The following RBMS3 variants were observed in gnomAD, a reference collection of about 807,000 sequenced individuals.
RBMS3 encodes RNA binding motif single stranded interacting protein 3.
RBMS3 carries 27 observed loss-of-function variants against 66.8 expected under a neutral mutation model. The ratio of observed to expected loss-of-function variants is 0.40; its 90% CI spans 0.30 to 0.56. The LOEUF (loss-of-function observed/expected upper bound fraction) is 0.56. RBMS3 is among the 20% of genes least tolerant of loss of function. The pLI is 0.40. For synonymous variants in RBMS3, 188 were observed against 183.0 expected (o/e 1.03, Z -0.22); for missense variants, 513 against 549.5 (o/e 0.93, Z 0.66).
chr3:29,660,604 G>T (rs2149228286), intron 4 of RBMS3, among the ~76,000 whole-genome samples: 1 of 150,780 alleles, frequency 6.6e-6, no homozygotes, highest in Non-Finnish European at 1.5e-5. Context: ...CCCAGGGTTA[G>T]CTGGGTTTTT....
chr3:29,956,677 T>A (rs985435009), intron 12 of RBMS3, among the ~76,000 whole-genome samples: 5 of 152,154 alleles, frequency 3.3e-5, no homozygotes, highest in Non-Finnish European at 7.4e-5. Context: ...AGAAAGTTAC[T>A]CTAGGTAACT....
intron 2 of RBMS3, among the ~76,000 whole-genome samples, chr3:29,463,182 CA>C: frequency 6.6e-6 from 1 of 152,270 alleles, no homozygotes. Context: ...AGCACAATCA[CA>C]TATTTGTTAA....
intron 5 of RBMS3, among the ~76,000 whole-genome samples, chr3:29,748,972 A>C (rs904200217): frequency 6.6e-6 from 1 of 152,204 alleles, no homozygotes; most frequent in African/African-American, 2.4e-5. Context: ...ACTTCAGCCA[A>C]ATCTCAGTCA....
At chr3:29,359,306 A>G (rs778826766) in intron 1 of RBMS3, among the ~76,000 whole-genome samples, 3 of 152,170 alleles carry the variant, frequency 2.0e-5, no homozygotes, top group Non-Finnish European at 4.4e-5. Context: ...TGAGACAATC[A>G]TGTGGTTTTT....
intron 3 of RBMS3, among the ~76,000 whole-genome samples, chr3:29,561,704 G>C (rs145952758): frequency 4.6e-5 from 7 of 152,148 alleles, no homozygotes; most frequent in Admixed American, 4.6e-4. Context: ...GCCCGCCTCG[G>C]CCTCCCAAAG....
chr3:29,716,346 T>G (rs918724482), intron 4 of RBMS3, among the ~76,000 whole-genome samples: 2 of 152,150 alleles, frequency 1.3e-5, no homozygotes, highest in Non-Finnish European at 2.9e-5. Context: ...TTACATAGCA[T>G]TCTAAAACAA....
At chr3:29,424,206 C>T (rs2040855301) in intron 1 of RBMS3, among the ~76,000 whole-genome samples, 1 of 152,082 alleles carries the variant, frequency 6.6e-6, no homozygotes, top group African/African-American at 2.4e-5. Flanking sequence ...TTTAGGTGAT[C>T]CTTGAGGAAT....
intron 2 of RBMS3, among the ~76,000 whole-genome samples, chr3:29,454,079 A>G (rs989497769): frequency 2.0e-5 from 3 of 151,992 alleles, no homozygotes; most frequent in Non-Finnish European, 4.4e-5. Context: ...AGGCATTTCA[A>G]CTCCCTTTTT....
At chr3:29,310,866 A>G (rs762594977) in intron 1 of RBMS3, among the ~76,000 whole-genome samples, 7 of 151,776 alleles carry the variant, frequency 4.6e-5, no homozygotes, top group Non-Finnish European at 8.8e-5. Flanking sequence ...TTTTTCTTAC[A>G]TAGATTAACT....
At chr3:29,623,064 T>G (rs1485415079) in intron 4 of RBMS3, among the ~76,000 whole-genome samples, 1 of 138,656 alleles carries the variant, frequency 7.2e-6, no homozygotes, top group Admixed American at 7.6e-5. Context: ...TGAGCCGAGA[T>G]CGTACCACTG....
intron 9 of RBMS3, 137 bp from the exon 10 acceptor site, chr3:29,899,568 C>A: frequency 1.6e-6 from 1 of 636,082 alleles, no homozygotes. Flanking sequence ...TCCCTTTTTA[C>A]CCTTGGTTTT....
chr3:29,701,290 A>T (rs58874736), intron 4 of RBMS3, among the ~76,000 whole-genome samples: 16,892 of 152,184 alleles, frequency 0.11, 1,911 homozygotes, highest in African/African-American at 0.29. Flanking sequence ...AAGAAAAAAA[A>T]AAAGAAAAAA....
At chr3:29,906,890 A>G (rs995017297) in intron 10 of RBMS3, among the ~76,000 whole-genome samples, 1 of 152,158 alleles carries the variant, frequency 6.6e-6, no homozygotes, top group Non-Finnish European at 1.5e-5. Flanking sequence ...ACCATTTACC[A>G]AAATGATATC....
At chr3:29,560,177 T>G (rs2149046815) in intron 3 of RBMS3, among the ~76,000 whole-genome samples, 1 of 152,316 alleles carries the variant, frequency 6.6e-6, no homozygotes, top group South Asian at 2.1e-4. Context: ...CAGATGGAGT[T>G]TCCTGCATTT....
chr3:29,467,690 C>G (rs1198997645), intron 2 of RBMS3, among the ~76,000 whole-genome samples: 1 of 152,132 alleles, frequency 6.6e-6, no homozygotes, highest in East Asian at 1.9e-4. Context: ...TATACATTTT[C>G]ACTTGGGCCA....
intron 1 of RBMS3, among the ~76,000 whole-genome samples, chr3:29,358,031 C>T (rs910969997): frequency 1.3e-5 from 2 of 152,122 alleles, no homozygotes; most frequent in African/African-American, 4.8e-5. Flanking sequence ...GTTTCTTTTG[C>T]TGTGCAGAAG....
intron 3 of RBMS3, among the ~76,000 whole-genome samples, chr3:29,514,650 CATATATATAT>C (rs10601940): frequency 1.2e-4 from 12 of 103,690 alleles, no homozygotes; most frequent in African/African-American, 5.1e-4. Flanking sequence ...GTGATAGGCA[CATATATATAT>C]ATATATATAT....
At chr3:29,841,255 G>C (rs2058657346) in intron 6 of RBMS3, among the ~76,000 whole-genome samples, 1 of 151,748 alleles carries the variant, frequency 6.6e-6, no homozygotes, top group Non-Finnish European at 1.5e-5. Flanking sequence ...TTTGTTGTGT[G>C]CCTCACAAAT....
intron 4 of RBMS3, among the ~76,000 whole-genome samples, chr3:29,676,314 T>C (rs1355293801): frequency 6.6e-6 from 1 of 152,078 alleles, no homozygotes; most frequent in African/African-American, 2.4e-5. Context: ...TTAGGAGAAA[T>C]ACCTGATGTA....
Sources: gnomAD v4.1 joint callset for allele counts (sites outside exome capture counted in the v4.1 genomes callset) on GRCh38, gnomAD v4.1.1 for gene constraint, MANE v1.5 for transcripts, NCBI Gene and HGNC (gene_info 2026-07-23, HGNC 2026-07-21) for gene names.